Variants in CTTNBP2 observed in about 807,000 individuals in gnomAD.
CTTNBP2 encodes the protein cortactin binding protein 2, also known as cortactin-binding protein 2.
In CTTNBP2, 108 loss-of-function variants were observed where a neutral mutation model predicts 156.9. The ratio of observed to expected loss-of-function variants is 0.69; its 90% confidence interval spans 0.59 to 0.81. CTTNBP2 has a LOEUF of 0.81. Among genes scored for constraint, CTTNBP2 ranks in the 30% least tolerant of loss-of-function variants. The probability of loss-of-function intolerance (pLI) is 0.00; values close to 1 mark genes in which losing one functional copy is unlikely to be tolerated. For missense variants in CTTNBP2, 1,924 were observed against 2,035.4 expected (o/e 0.95, Z 1.05); for synonymous variants, 767 against 751.8 (o/e 1.02, Z -0.33).
intron 19 of CTTNBP2, among the ~76,000 whole-genome samples, chr7:117,723,295 TA>T (rs959068214): frequency 3.9e-5 from 6 of 152,052 alleles, no homozygotes; most frequent in Non-Finnish European, 7.4e-5. Flanking sequence ...TTGATAGGAT[TA>T]AAAAAACATT....
intron 4 of CTTNBP2, 115 bp from the exon 5 acceptor site, chr7:117,784,569 T>A (rs1253837003): frequency 1.5e-6 from 1 of 661,454 alleles, no homozygotes; most frequent in African/African-American, 1.8e-5. Flanking sequence ...CCCTAGAGGA[T>A]TATGTGGTTT....
intron 16 of CTTNBP2, among the ~76,000 whole-genome samples, chr7:117,729,498 G>T (rs555226693): frequency 7.9e-5 from 12 of 152,208 alleles, no homozygotes; most frequent in African/African-American, 2.4e-4. Context: ...TGTATTCTAT[G>T]CCTATTTGTT....
In CTTNBP2 at chr7:117,735,317, C is replaced by T; in HGVS notation, c.3640G>A (p.Ala1214Thr). 6.2e-7 allele frequency: 1 copy of T among 1,613,910 alleles called. No individual in the cohort carries two copies. Among genetic ancestry groups the T allele is most frequent in the South Asian group, 1.1e-5 (1 of 91,026 alleles). ...SLSELLRDFL[A>T]PLENRSTESP... ...TCAGTGCTGCGATTTTCAAGAGGTG[C>T]CAAAAAGTCCCTCAATAACTCCGAC... The change falls in exon 15 of 23, where the codon GCA becomes ACA. Residue 1214 changes from alanine (A) to threonine (T), a missense_variant. Coordinates refer to ENST00000160373, the MANE Select transcript of CTTNBP2 (RefSeq NM_033427.3).
intron 1 of CTTNBP2, among the ~76,000 whole-genome samples, chr7:117,872,833 C>A (rs552611377): frequency 6.6e-6 from 1 of 152,294 alleles, no homozygotes; most frequent in East Asian, 1.9e-4. Context: ...CAGATGCACA[C>A]AATGGGCATC....
rs747891773 is a variant in CTTNBP2, at chr7:117,791,404, T to C, written c.1792A>G (p.Ile598Val). Residue 598 changes from isoleucine (I) to valine (V), a missense_variant, in exon 4 of 23, where the codon ATC (isoleucine) becomes GTC (valine). Coordinates refer to ENST00000160373, the MANE Select transcript of CTTNBP2 (RefSeq NM_033427.3). The stretch of plus-strand genomic sequence containing the variant: ...GACTTAGGAAGGTTCTCCTCATTGA[T>C]CACCCTGTTCCCTTGTGGCAAACTG... ...PSSLPQGNRVINEENLPKSSS... is the reference protein window; with the variant it reads ...PSSLPQGNRVVNEENLPKSSS... 1.2e-6 allele frequency: 2 copies of C among 1,614,192 alleles called. No individual in the cohort carries two copies. Among genetic ancestry groups the C allele is most frequent in the South Asian group, 2.2e-5 (2 of 91,078 alleles).
intron 1 of CTTNBP2, among the ~76,000 whole-genome samples, chr7:117,863,994 A>G (rs755069739): frequency 1.1e-4 from 17 of 152,184 alleles, no homozygotes; most frequent in Non-Finnish European, 2.4e-4. Context: ...AATTAATTGT[A>G]TATTTTATTG....
intron 12 of CTTNBP2, among the ~76,000 whole-genome samples, chr7:117,749,549 C>T (rs377200825): frequency 4.9e-4 from 75 of 152,282 alleles, no homozygotes; most frequent in Non-Finnish European, 7.2e-4. Context: ...TCACTAATCC[C>T]CACCAACTTT....
chr7:117,780,575 T>G lies in CTTNBP2; in HGVS notation c.2389A>C (p.Ile797Leu), dbSNP rs2116793112. 1 of 1,587,352 alleles carries G rather than the reference T, an allele frequency of 6.3e-7. No homozygotes were observed. Among genetic ancestry groups the G allele is most frequent in the Non-Finnish European group, 8.6e-7 (1 of 1,168,276 alleles). ...TGATTAATGTTAGCATCATATGAAA[T>G]TAATAATTCTACACACCTAAACACA... ...QGHFECVELL[I>L]SYDANINHAA... Residue 797 changes from isoleucine (I) to leucine (L), a missense_variant, in exon 7 of 23, where the codon ATT (isoleucine) becomes CTT (leucine). By Grantham distance (5) the Ile-to-Leu change is conservative (BLOSUM62 2). Coordinates refer to ENST00000160373, the MANE Select transcript of CTTNBP2 (RefSeq NM_033427.3).
At chr7:117,786,514 C>A in intron 4 of CTTNBP2, 1 of 377,500 alleles carries the variant, frequency 2.6e-6, no homozygotes. Flanking sequence ...ATTATAAACA[C>A]GAAGGCATAA....
intron 8 of CTTNBP2, among the ~76,000 whole-genome samples, chr7:117,770,897 G>A (rs560138537): frequency 6.6e-5 from 10 of 152,256 alleles, no homozygotes; most frequent in Admixed American, 6.5e-4. Flanking sequence ...CAAGTGATAC[G>A]GAGACAGGGA....
chr7:117,803,443 T>C (rs927758270), intron 3 of CTTNBP2, among the ~76,000 whole-genome samples: 1 of 152,150 alleles, frequency 6.6e-6, no homozygotes, highest in Non-Finnish European at 1.5e-5. Flanking sequence ...TGCTCACTAC[T>C]TGGGTGACAG....
chr7:117,747,135 C>CA (rs1417046544), intron 12 of CTTNBP2, among the ~76,000 whole-genome samples: 3 of 152,284 alleles, frequency 2.0e-5, no homozygotes, highest in Admixed American at 2.0e-4. Context: ...GGTGAGGGTC[C>CA]AACCTAACTG....
At chr7:117,723,253 C>T (rs762862794) in intron 19 of CTTNBP2, among the ~76,000 whole-genome samples, 24 of 152,128 alleles carry the variant, frequency 1.6e-4, no homozygotes, top group Middle Eastern at 6.8e-3. Context: ...TGCTATCATG[C>T]ACTTAGGGTA....
intron 17 of CTTNBP2, 34 bp downstream of exon 17, chr7:117,728,055 C>A (rs778266263): frequency 5.0e-6 from 8 of 1,593,412 alleles, no homozygotes; most frequent in Non-Finnish European, 6.9e-6. Flanking sequence ...ACGTCTCTAT[C>A]ATAAGCAGAA....
chr7:117,747,260 G>C (rs1796383236), intron 12 of CTTNBP2, among the ~76,000 whole-genome samples: 1 of 152,166 alleles, frequency 6.6e-6, no homozygotes, highest in African/African-American at 2.4e-5. Flanking sequence ...GTGTATCTCT[G>C]TGTTGTCTCT....
At chr7:117,736,172 G>A (rs1795676000) in intron 14 of CTTNBP2, among the ~76,000 whole-genome samples, 1 of 152,144 alleles carries the variant, frequency 6.6e-6, no homozygotes, top group South Asian at 2.1e-4. Flanking sequence ...TATGTAGACA[G>A]GGCCAGGCGC....
At chr7:117,844,048 CG>C (rs1563061259) in intron 2 of CTTNBP2, among the ~76,000 whole-genome samples, 1 of 135,752 alleles carries the variant, frequency 7.4e-6, no homozygotes, top group East Asian at 2.2e-4. Flanking sequence ...GAAGCAGAAA[CG>C]AAGAGAGAGA....
At chr7:117,816,445 C>T (rs189710735) in intron 2 of CTTNBP2, among the ~76,000 whole-genome samples, 25 of 152,316 alleles carry the variant, frequency 1.6e-4, no homozygotes, top group Non-Finnish European at 3.1e-4. Flanking sequence ...AGCCTTTCAG[C>T]ACTCTTTTGC....
chr7:117,808,271 A>G (rs372142013), intron 3 of CTTNBP2, among the ~76,000 whole-genome samples: 2 of 152,226 alleles, frequency 1.3e-5, no homozygotes, highest in East Asian at 3.9e-4. Context: ...TTCTATTAAA[A>G]GATGATAGAC....
Sources: allele counts gnomAD v4.1 joint callset (sites outside exome capture counted in the v4.1 genomes callset), GRCh38; gene constraint gnomAD v4.1.1; transcripts MANE v1.5; gene names NCBI Gene and HGNC (gene_info 2026-07-23, HGNC 2026-07-21).